Variants in PREX1 observed in about 807,000 individuals in gnomAD.
The protein encoded by PREX1 is phosphatidylinositol 3,4,5-trisphosphate-dependent Rac exchanger 1 protein.
In PREX1, 41 loss-of-function variants were observed where a neutral mutation model predicts 198.3. The observed-to-expected ratio is 0.21, with a 90% confidence interval of 0.16 to 0.27. The LOEUF is 0.27. PREX1 is among the 10% of genes least tolerant of loss of function. PREX1 has a pLI of 1.00. For missense variants in PREX1, 1,620 were observed against 2,200.7 expected (o/e 0.74, Z 5.28); for synonymous variants, 843 against 887.2 (o/e 0.95, Z 0.89).
chr20:48,772,181 C>T (rs761192951), intron 1 of PREX1, among the ~76,000 whole-genome samples: 3 of 151,750 alleles, frequency 2.0e-5, no homozygotes, highest in Non-Finnish European at 2.9e-5. Context: ...CTGAACAGAG[C>T]GAGACTCTGT....
intron 5 of PREX1, among the ~76,000 whole-genome samples, chr20:48,722,621 A>C (rs2089991231): frequency 6.6e-6 from 1 of 152,342 alleles, no homozygotes; most frequent in South Asian, 2.1e-4. Context: ...ATGGGTAAAC[A>C]AACGGCCAGA....
intron 1 of PREX1, among the ~76,000 whole-genome samples, chr20:48,748,517 C>T (rs764897225): frequency 4.0e-5 from 6 of 151,832 alleles, no homozygotes; most frequent in Non-Finnish European, 8.8e-5. Flanking sequence ...AAAATAGCAA[C>T]GTATACTGGA....
At chr20:48,880,685 A>G in the PREX1 span, among the ~76,000 whole-genome samples, 1 of 152,166 alleles carries the variant, frequency 6.6e-6, no homozygotes, top group Non-Finnish European at 1.5e-5. Context: ...GCTACAAAGG[A>G]GGCTGAGAAA....
rs143436660 is a variant in PREX1, at chr20:48,629,549, C to T, written c.4666G>A (p.Ala1556Thr). Residue 1556 changes from alanine to threonine, a missense_variant, in exon 37 of 40, where the codon GCT becomes ACT. Physicochemically the swap from Ala to Thr is moderately conservative, Grantham distance 58. Around this residue, in one of 7 missense-constraint regions of PREX1, gnomAD observed 476 missense variants for 603.4 expected, o/e 0.79. Coordinates refer to ENST00000371941, the MANE Select transcript of PREX1 (RefSeq NM_020820.4). ...AGGCCGGCGCCCACACTCCCAGCAGCACCAGGCTTTGGGTGGACAAAGGAC... is the reference window on the plus strand; with the variant it reads ...AGGCCGGCGCCCACACTCCCAGCAGTACCAGGCTTTGGGTGGACAAAGGAC... ...MKSFVHPKPG[A>T]AGSVGAGLIP... is the part of the protein sequence containing the mutation. The T allele has an allele frequency of 1.2e-4, 199 of 1,614,168 alleles. 1 individual carries two copies. Among genetic ancestry groups the T allele is most frequent in the Middle Eastern group, 8.2e-4 (5 of 6,062 alleles).
chr20:48,674,364 A>G (rs978713770), intron 14 of PREX1, among the ~76,000 whole-genome samples: 18 of 152,260 alleles, frequency 1.2e-4, no homozygotes, highest in Non-Finnish European at 1.5e-4. Context: ...TTTGTGCAAC[A>G]TGAGAAAATC....
upstream of PREX1, among the ~76,000 whole-genome samples, chr20:48,829,505 T>C (rs2090530668): frequency 6.6e-6 from 1 of 152,130 alleles, no homozygotes; most frequent in Non-Finnish European, 1.5e-5. Flanking sequence ...ATGGGCAAGG[T>C]AGCATTTGAT....
At chr20:48,714,166 C>G (rs1210565365) in intron 5 of PREX1, among the ~76,000 whole-genome samples, 1 of 152,110 alleles carries the variant, frequency 6.6e-6, no homozygotes, top group African/African-American at 2.4e-5. Flanking sequence ...CCCTTGTGAC[C>G]TTAAGTTAGG....
intron 1 of PREX1, among the ~76,000 whole-genome samples, chr20:48,785,999 T>C (rs1462263296): frequency 2.0e-5 from 3 of 151,828 alleles, no homozygotes; most frequent in East Asian, 1.9e-4. Flanking sequence ...GAAAAGGCCA[T>C]GAGGAGGGTC....
At chr20:48,809,050 G>A (rs898890064) in intron 1 of PREX1, among the ~76,000 whole-genome samples, 15 of 152,176 alleles carry the variant, frequency 9.9e-5, no homozygotes, top group Admixed American at 2.0e-4. Context: ...AACAGGCAAC[G>A]CAGGAACACC....
chr20:48,771,578 A>G (rs547042295), intron 1 of PREX1, among the ~76,000 whole-genome samples: 10 of 152,232 alleles, frequency 6.6e-5, no homozygotes, highest in African/African-American at 1.9e-4. Context: ...CAGAAGTTAC[A>G]GTGAGCTGAG....
chr20:48,813,055 G>A (rs958780604), intron 1 of PREX1, among the ~76,000 whole-genome samples: 2 of 152,174 alleles, frequency 1.3e-5, no homozygotes, highest in East Asian at 1.9e-4. Flanking sequence ...CTAGGGAGCC[G>A]GCTCCACACC....
intron 1 of PREX1, among the ~76,000 whole-genome samples, chr20:48,792,817 TACACACACACAC>T (rs372512250): frequency 6.2e-5 from 7 of 113,544 alleles, no homozygotes; most frequent in East Asian, 4.8e-4. Flanking sequence ...AAAAAAAAAA[TACACACACACAC>T]ACACACACAC....
the PREX1 span, among the ~76,000 whole-genome samples, chr20:48,877,795 C>G: frequency 6.6e-6 from 1 of 151,642 alleles, no homozygotes; most frequent in Non-Finnish European, 1.5e-5. Context: ...GAACAAAAGC[C>G]CAAGTTCTTC....
At chr20:48,796,599 CATTTATAT>C (rs969064670) in intron 1 of PREX1, among the ~76,000 whole-genome samples, 88 of 151,504 alleles carry the variant, frequency 5.8e-4, no homozygotes, top group African/African-American at 1.9e-3. Flanking sequence ...AATGATTACA[CATTTATAT>C]ATTTATATAT....
chr20:48,858,702 C>T, the PREX1 span, among the ~76,000 whole-genome samples: 1 of 152,200 alleles, frequency 6.6e-6, no homozygotes, highest in Non-Finnish European at 1.5e-5. Context: ...GCAGCAGGGG[C>T]AGCCATTAGT....
the PREX1 span, among the ~76,000 whole-genome samples, chr20:48,859,256 A>G: frequency 6.6e-6 from 1 of 152,198 alleles, no homozygotes; most frequent in Non-Finnish European, 1.5e-5. Context: ...AAACAAAAAG[A>G]TTCTTAGAAA....
intron 1 of PREX1, among the ~76,000 whole-genome samples, chr20:48,748,800 A>G (rs375785918): frequency 6.4e-4 from 97 of 152,356 alleles, no homozygotes; most frequent in Non-Finnish European, 1.3e-3. Context: ...CAGGCCCAGG[A>G]CCACCAGAGG....
chr20:48,779,271 T>A (rs1242378086), intron 1 of PREX1, among the ~76,000 whole-genome samples: 1 of 152,254 alleles, frequency 6.6e-6, no homozygotes, highest in African/African-American at 2.4e-5. Context: ...ATTAGGAGAA[T>A]GTAAGTTAAA....
chr20:48,782,221 A>G (rs146598547), intron 1 of PREX1, among the ~76,000 whole-genome samples: 1 of 152,302 alleles, frequency 6.6e-6, no homozygotes, highest in East Asian at 1.9e-4. Context: ...TAGCTCTCAT[A>G]ATTCCCATGT....
Sources: gnomAD v4.1 joint callset for allele counts (sites outside exome capture counted in the v4.1 genomes callset) on GRCh38, gnomAD v4.1.1 for gene constraint, gnomAD v4.1.1 regional missense constraint, MANE v1.5 for transcripts, NCBI Gene and HGNC (gene_info 2026-07-23, HGNC 2026-07-21) for gene names.